The following PIK3C2G variants were observed in gnomAD, a reference collection of about 807,000 sequenced individuals.
The protein encoded by PIK3C2G is phosphatidylinositol-4-phosphate 3-kinase catalytic subunit type 2 gamma.
PIK3C2G carries 168 observed loss-of-function variants against 181.1 expected under a neutral mutation model. That is an observed-to-expected ratio of 0.93 (90% CI 0.82 to 1.05). PIK3C2G has a LOEUF of 1.05. Among genes scored for constraint, PIK3C2G ranks in the 50% least tolerant of loss-of-function variants. The probability of loss-of-function intolerance (pLI) is 0.00; values close to 1 mark genes in which losing one functional copy is unlikely to be tolerated. For synonymous variants in PIK3C2G, 573 were observed against 592.2 expected (o/e 0.97, Z 0.47); for missense variants, 1,869 against 1,732.8 (o/e 1.08, Z -1.40).
intron 8 of PIK3C2G, among the ~76,000 whole-genome samples, chr12:18,329,293 C>G (rs1289794661): frequency 6.6e-6 from 1 of 151,814 alleles, no homozygotes; most frequent in East Asian, 1.9e-4. Context: ...GAAGAACACA[C>G]AATTAAAGAA....
the PIK3C2G span, chr12:18,713,081 A>C: frequency 2.8e-6 from 4 of 1,437,678 alleles, no homozygotes. Context: ...TGATTTTATA[A>C]TAAATGCATA....
intron 1 of PIK3C2G, among the ~76,000 whole-genome samples, chr12:18,252,866 C>T (rs190089115): frequency 1.3e-5 from 2 of 152,202 alleles, no homozygotes; most frequent in Non-Finnish European, 2.9e-5. Context: ...TCTGCTCTTT[C>T]CTTAAATGCC....
chr12:18,562,844 G>A lies in PIK3C2G; in HGVS notation c.3732G>A (p.Arg1244=). 1 of 1,606,998 alleles carries A rather than the reference G, an allele frequency of 6.2e-7. No homozygotes were observed. The highest frequency in any genetic ancestry group is 8.5e-7 in the Non-Finnish European group (1 of 1,176,222). Residue 1244 remains arginine (R), a synonymous_variant, in exon 27 of 33, where the codon AGG becomes AGA. Coordinates refer to ENST00000538779, the MANE Select transcript of PIK3C2G (RefSeq NM_001288772.2). ...AATCCTGTTTGCTGAGTACAACTAG[G>A]TCGATTGAAAGAGCAACAATTTTAG... The part of the protein sequence containing the change: ...PQESCLLSTT[R]SIERATILGF...
intron 29 of PIK3C2G, among the ~76,000 whole-genome samples, chr12:18,587,615 T>G (rs1946857372): frequency 6.6e-6 from 1 of 152,090 alleles, no homozygotes; most frequent in South Asian, 2.1e-4. Context: ...ATCATTAAAA[T>G]GGCCATACTG....
At chr12:18,650,488 GT>G (rs1388861686), downstream of PIK3C2G, among the ~76,000 whole-genome samples, 5 of 148,154 alleles carry the variant, frequency 3.4e-5, no homozygotes, top group Non-Finnish European at 7.5e-5. Flanking sequence ...CTAATTAAAT[GT>G]TTTCCTGTGT....
chr12:18,640,688 G>T (rs572337224), intron 32 of PIK3C2G, 134 bp downstream of exon 32: 1 of 792,660 alleles, frequency 1.3e-6, no homozygotes, highest in Non-Finnish European at 2.0e-6. Flanking sequence ...CAAAGTAGTC[G>T]CAGTATGCTG....
intron 15 of PIK3C2G, among the ~76,000 whole-genome samples, chr12:18,397,700 A>T (rs1943979659): frequency 6.6e-6 from 1 of 152,126 alleles, no homozygotes; most frequent in African/African-American, 2.4e-5. Flanking sequence ...CAATTACTTC[A>T]GAAAACAGTT....
At chr12:18,461,458 G>A (rs1329315208) in intron 18 of PIK3C2G, among the ~76,000 whole-genome samples, 1 of 152,006 alleles carries the variant, frequency 6.6e-6, no homozygotes, top group Non-Finnish European at 1.5e-5. Context: ...ATTTACATAG[G>A]GTGGAATTGA....
intron 24 of PIK3C2G, among the ~76,000 whole-genome samples, chr12:18,537,093 G>A (rs74068068): frequency 0.015 from 2,221 of 152,116 alleles, 49 homozygotes; most frequent in African/African-American, 0.05. Context: ...ACAAATTGAC[G>A]AAGTTGTAGC....
At chr12:18,395,855 C>T (rs11044073) in intron 15 of PIK3C2G, among the ~76,000 whole-genome samples, 123 of 150,880 alleles carry the variant, frequency 8.2e-4, no homozygotes, top group Non-Finnish European at 4.6e-4. Context: ...GAAAACCACA[C>T]CCCTTAAATT....
intron 20 of PIK3C2G, among the ~76,000 whole-genome samples, chr12:18,494,028 G>A (rs970413621): frequency 2.0e-5 from 3 of 152,102 alleles, no homozygotes; most frequent in African/African-American, 7.2e-5. Context: ...TTACTTACTG[G>A]TTTCTTTTTC....
intron 11 of PIK3C2G, among the ~76,000 whole-genome samples, chr12:18,350,849 C>T (rs1323031296): frequency 1.3e-5 from 2 of 151,946 alleles, no homozygotes; most frequent in African/African-American, 4.8e-5. Context: ...GACAGAAATC[C>T]GAAGAGTTTG....
At chr12:18,507,569 CAATT>C (rs1286772463) in intron 24 of PIK3C2G, among the ~76,000 whole-genome samples, 1 of 152,148 alleles carries the variant, frequency 6.6e-6, no homozygotes, top group African/African-American at 2.4e-5. Flanking sequence ...GGACAAATGT[CAATT>C]AACATACTTG....
At chr12:18,331,192 T>C (rs1425980668) in intron 8 of PIK3C2G, among the ~76,000 whole-genome samples, 1 of 152,100 alleles carries the variant, frequency 6.6e-6, no homozygotes, top group Admixed American at 6.6e-5. Context: ...TCATTCTTGT[T>C]TAAAAAAATA....
intron 30 of PIK3C2G, among the ~76,000 whole-genome samples, chr12:18,605,066 CA>C (rs1302452329): frequency 1.3e-5 from 2 of 151,632 alleles, no homozygotes; most frequent in Non-Finnish European, 2.9e-5. Flanking sequence ...GAAATTGAAA[CA>C]AAAAAATTAC....
the PIK3C2G span, among the ~76,000 whole-genome samples, chr12:18,668,062 G>A: frequency 5.9e-5 from 9 of 152,094 alleles, no homozygotes; most frequent in African/African-American, 1.9e-4. Flanking sequence ...GTCAAAGTTC[G>A]TCTCCACTTA....
At chr12:18,546,632 A>C (rs1232318838) in intron 26 of PIK3C2G, among the ~76,000 whole-genome samples, 200 bp downstream of exon 26, 1 of 152,060 alleles carries the variant, frequency 6.6e-6, no homozygotes, top group Admixed American at 6.6e-5. Context: ...TTTCTGCAGC[A>C]TGTCATTGTT....
At chr12:18,571,382 G>A (rs918995831) in intron 29 of PIK3C2G, among the ~76,000 whole-genome samples, 1 of 150,588 alleles carries the variant, frequency 6.6e-6, no homozygotes, top group Non-Finnish European at 1.5e-5. Flanking sequence ...TGTTCTACAC[G>A]TGTATATTAG....
intron 11 of PIK3C2G, among the ~76,000 whole-genome samples, chr12:18,357,054 C>T (rs1316957672): frequency 2.6e-5 from 4 of 152,020 alleles, no homozygotes; most frequent in Non-Finnish European, 5.9e-5. Context: ...CTAATTATCA[C>T]ATTAAATTGT....
Sources: gnomAD v4.1 joint callset for allele counts (sites outside exome capture counted in the v4.1 genomes callset) on GRCh38, gnomAD v4.1.1 for gene constraint, MANE v1.5 for transcripts, NCBI Gene and HGNC (gene_info 2026-07-23, HGNC 2026-07-21) for gene names.